The following PTPRT variants were observed in gnomAD, a reference collection of about 807,000 sequenced individuals.
PTPRT encodes protein tyrosine phosphatase receptor type T.
Under a neutral mutation model 176.8 loss-of-function variants are expected in PTPRT, and 56 were observed. That is an observed-to-expected ratio of 0.32 (90% CI 0.26 to 0.40). The LOEUF is 0.40. PTPRT is among the 10% of genes least tolerant of loss of function. The pLI, the probability that PTPRT is intolerant of heterozygous loss-of-function variation, is 1.00. For synonymous variants in PTPRT, 783 were observed against 739.0 expected (o/e 1.06, Z -0.96); for missense variants, 1,540 against 1,908.2 (o/e 0.81, Z 3.60).
rs11480202 is a variant in PTPRT, at chr20:42,236,593, A to ATTT, written c.2313-338_2313-336dup. Reference sequence around the variant, plus strand: ...CAAAACTAGATTCCTTGTAATTATGATTTTTTTTTTTTTTTTTGGTCGGCG... The same window carrying ATTT: ...CAAAACTAGATTCCTTGTAATTATGATTTTTTTTTTTTTTTTTTTTGGTCGGCG... On this transcript the variant is annotated intron_variant, in intron 14 of 30. Coordinates refer to ENST00000373187, the MANE Select transcript of PTPRT (RefSeq NM_007050.6). Among the ~76,000 whole-genome samples the ATTT allele has an allele frequency of 1.3e-3, 179 of 135,636 alleles. 4 individuals are homozygous for ATTT. The highest frequency in any genetic ancestry group is 8.3e-3 in the South Asian group (33 of 3,976). 89.0% of individuals were successfully genotyped at this position (135,636 alleles called of 152,430 possible).
At chr20:42,231,139 C>G (rs1600705884) in intron 15 of PTPRT, among the ~76,000 whole-genome samples, 1 of 96,378 alleles carries the variant, frequency 1.0e-5, no homozygotes, top group Non-Finnish European at 2.3e-5. Context: ...ATAGCTACCA[C>G]TTCTTATGCC....
At chr20:42,687,926 T>C (rs905633330) in intron 6 of PTPRT, 3 of 152,252 alleles carry the variant, frequency 2.0e-5, no homozygotes, top group Admixed American at 2.0e-4. Context: ...TACAAATTCA[T>C]TTATTCCTCA....
At chr20:42,405,145 CA>C (rs1390027860) in intron 9 of PTPRT, among the ~76,000 whole-genome samples, 1 of 150,788 alleles carries the variant, frequency 6.6e-6, no homozygotes, top group Non-Finnish European at 1.5e-5. Context: ...AAGAAATCAT[CA>C]TACATTCTGT....
At chr20:42,483,549 T>C (rs1024045901) in intron 7 of PTPRT, among the ~76,000 whole-genome samples, 1 of 152,216 alleles carries the variant, frequency 6.6e-6, no homozygotes, top group South Asian at 2.1e-4. Flanking sequence ...CAGTTGGGTA[T>C]GTGTCCCACC....
rs984994781 is a variant in PTPRT at position 42,896,919 on chromosome 20, T to C, written c.89-10987A>G. 3.3e-5 allele frequency among the ~76,000 whole-genome samples: 5 copies of C among 152,308 alleles called. No individual in the cohort carries two copies. The East Asian group carries it at 9.7e-4, about 29-fold the overall frequency. ...AGCTGATTCTTGCCCCCGGAATGAA[T>C]GTAAACCAGCCTTCCATAAATTGAA... On this transcript the variant is annotated intron_variant, in intron 1 of 30. Transcript: ENST00000373187.
At chr20:42,138,519 C>A (rs1988479720) in intron 18 of PTPRT, among the ~76,000 whole-genome samples, 1 of 152,192 alleles carries the variant, frequency 6.6e-6, no homozygotes, top group African/African-American at 2.4e-5. Flanking sequence ...GAACTGATCC[C>A]AGAAGGGGGC....
At chr20:43,032,625 A>G (rs888992959) in intron 1 of PTPRT, among the ~76,000 whole-genome samples, 1 of 152,142 alleles carries the variant, frequency 6.6e-6, no homozygotes, top group Admixed American at 6.5e-5. Flanking sequence ...CTGTAGTTCC[A>G]GAAGAGTCCA....
Position 42,075,323 on chromosome 20 carries a change from GT to G in PTPRT, c.*5555del, listed in dbSNP as rs1273896451. On this transcript the variant is annotated 3_prime_UTR_variant, in exon 31 of 31. Transcript: ENST00000373187. ...AGATGACATGACTATCCACGTTTATGTTTTTTTTCTTCTAACCTACCCTCCA... is the reference window on the plus strand; with the variant it reads ...AGATGACATGACTATCCACGTTTATGTTTTTTTCTTCTAACCTACCCTCCA... 2.2e-5 allele frequency: 5 copies of G among 231,246 alleles called. No individual in the cohort carries two copies. The highest frequency in any genetic ancestry group is 3.6e-4 in the South Asian group (2 of 5,486). 14.3% of individuals were successfully genotyped at this position (231,246 alleles called of 1,614,324 possible).
intron 1 of PTPRT, among the ~76,000 whole-genome samples, chr20:42,946,052 G>A (rs2146003460): frequency 6.6e-6 from 1 of 152,270 alleles, no homozygotes; most frequent in East Asian, 1.9e-4. Context: ...CAATATAGCT[G>A]GGATCACTAT....
the PTPRT span, among the ~76,000 whole-genome samples, chr20:42,042,142 T>C: frequency 6.6e-6 from 1 of 152,164 alleles, no homozygotes; most frequent in African/African-American, 2.4e-5. Context: ...TCAGAGATCA[T>C]TTGAAAGGCC....
intron 8 of PTPRT, among the ~76,000 whole-genome samples, chr20:42,457,616 GGGAAA>G (rs2070945902): frequency 1.3e-5 from 2 of 152,142 alleles, no homozygotes; most frequent in South Asian, 4.1e-4. Context: ...CCAACTCACA[GGGAAA>G]GGAAAGAATT....
chr20:42,067,593 C>T, the PTPRT span, among the ~76,000 whole-genome samples: 1 of 152,196 alleles, frequency 6.6e-6, no homozygotes, highest in South Asian at 2.1e-4. Flanking sequence ...TGGGTAGGCT[C>T]ACCAAGTATT....
At chr20:42,824,557 T>G (rs955444706) in intron 2 of PTPRT, among the ~76,000 whole-genome samples, 1 of 152,058 alleles carries the variant, frequency 6.6e-6, no homozygotes, top group Non-Finnish European at 1.5e-5. Flanking sequence ...ACTGATTAAC[T>G]ATAGTATTTG....
intron 7 of PTPRT, among the ~76,000 whole-genome samples, chr20:42,631,868 C>A (rs1353217966): frequency 1.3e-5 from 2 of 152,168 alleles, no homozygotes; most frequent in African/African-American, 4.8e-5. Flanking sequence ...CCTTGACCAT[C>A]CTGGGAGATA....
At chr20:42,785,124 TAC>T (rs1302023071) in intron 3 of PTPRT, among the ~76,000 whole-genome samples, 1 of 152,196 alleles carries the variant, frequency 6.6e-6, no homozygotes, top group Admixed American at 6.5e-5. Context: ...ACCCTCTAAA[TAC>T]ACACAATTAA....
intron 6 of PTPRT, among the ~76,000 whole-genome samples, chr20:42,718,349 A>C (rs1326810121): frequency 6.6e-6 from 1 of 152,180 alleles, no homozygotes; most frequent in Non-Finnish European, 1.5e-5. Context: ...CATACTGGCT[A>C]ACACGGTGAA....
chr20:42,999,635 G>GTTGTTGTT (rs1555815051), intron 1 of PTPRT, among the ~76,000 whole-genome samples: 3 of 150,526 alleles, frequency 2.0e-5, no homozygotes, highest in African/African-American at 4.9e-5. Context: ...TTGTTGTTGT[G>GTTGTTGTT]GTGGTTGTTG....
intron 1 of PTPRT, among the ~76,000 whole-genome samples, chr20:43,074,877 A>T (rs1380125035): frequency 6.6e-6 from 1 of 152,248 alleles, no homozygotes; most frequent in Non-Finnish European, 1.5e-5. Context: ...ACATTTTGGA[A>T]GAAATATATC....
intron 1 of PTPRT, among the ~76,000 whole-genome samples, chr20:43,059,058 G>C (rs1172767227): frequency 6.6e-6 from 1 of 152,154 alleles, no homozygotes; most frequent in Non-Finnish European, 1.5e-5. Flanking sequence ...TCTGCACCCT[G>C]CACCTAGCCC....
Sources: gnomAD v4.1 joint callset for allele counts (sites outside exome capture counted in the v4.1 genomes callset) on GRCh38, gnomAD v4.1.1 for gene constraint, MANE v1.5 for transcripts, NCBI Gene and HGNC (gene_info 2026-07-23, HGNC 2026-07-21) for gene names.